Variants in ERICH6B observed in about 807,000 individuals in gnomAD.
ERICH6B encodes the protein glutamate rich 6B.
Under a neutral mutation model 80.0 loss-of-function variants are expected in ERICH6B, and 69 were observed. The observed-to-expected ratio is 0.86, with a 90% CI of 0.71 to 1.05. ERICH6B has a LOEUF of 1.05. Among genes scored for constraint, ERICH6B ranks in the 50% least tolerant of loss-of-function variants. ERICH6B has a pLI of 0.00. For synonymous variants in ERICH6B, 283 were observed against 291.9 expected (o/e 0.97, Z 0.31); for missense variants, 754 against 796.1 (o/e 0.95, Z 0.64).
intron 2 of ERICH6B, among the ~76,000 whole-genome samples, chr13:45,597,558 A>T (rs1475919537): frequency 1.3e-5 from 2 of 152,160 alleles, no homozygotes; most frequent in South Asian, 2.1e-4. Flanking sequence ...CCCTGTGGTC[A>T]GAAGTCTGTG....
intron 5 of ERICH6B, among the ~76,000 whole-genome samples, chr13:45,586,849 AG>A (rs1054849233): frequency 7.2e-5 from 11 of 152,218 alleles, no homozygotes; most frequent in Admixed American, 4.6e-4. Context: ...TCTTTCTCTG[AG>A]GGGGGTCTGG....
rs780308947 is a variant in ERICH6B at position 45,587,064 on chromosome 13, G to A, written c.855C>T (p.Ala285=). The change falls in exon 5 of 15, where the codon GCC becomes GCT. Residue 285 remains alanine (A), a splice_region_variant and synonymous_variant. Transcript: ENST00000298738. ...CCGACAGAGCGCAGCTTCCCTCACC[G>A]GCAGTTCTGTCGTAGCACCAGTCTG... ...SQTDWCYDRT[A]VKSLKSKSET... 2.6e-6 allele frequency: 4 copies of A among 1,550,890 alleles called. No homozygotes were observed. Among genetic ancestry groups the A allele is most frequent in the South Asian group, 1.2e-5 (1 of 83,936 alleles).
intron 1 of ERICH6B, among the ~76,000 whole-genome samples, chr13:45,608,345 G>A (rs1752388637): frequency 1.3e-5 from 2 of 152,194 alleles, no homozygotes; most frequent in Admixed American, 1.3e-4. Context: ...AGAGAAGGCA[G>A]CAGCAGACAC....
chr13:45,563,592 C>T, intron 10 of ERICH6B, 135 bp downstream of exon 10: 1 of 804,414 alleles, frequency 1.2e-6, no homozygotes, highest in African/African-American at 1.7e-5. Context: ...CAGCCAGGAC[C>T]ACATCAGCCC....
intron 11 of ERICH6B, among the ~76,000 whole-genome samples, chr13:45,550,778 C>T (rs1182157226): frequency 6.6e-6 from 1 of 152,124 alleles, no homozygotes; most frequent in Non-Finnish European, 1.5e-5. Context: ...TGATGCATCA[C>T]CCCAGTCTCT....
At position 45,589,427 on chromosome 13, in the gene ERICH6B, G is replaced by A. The variant is rs540929135; in HGVS notation, c.686+1222C>T. On this transcript the variant is annotated intron_variant, in intron 4 of 14. Coordinates refer to ENST00000298738, the MANE Select transcript of ERICH6B (RefSeq NM_182542.3). ...TTTTCTACCTGGCGGTTCGTGGGGT[G>A]CAGAACGGAGGATGACACAGATCTG... Among the ~76,000 whole-genome samples the A allele has an allele frequency of 4.4e-4, 67 of 152,330 alleles. 1 individual carries two copies. Among genetic ancestry groups the A allele is most frequent in the South Asian group, 4.3e-3 (21 of 4,830 alleles).
At chr13:45,552,729 A>AT (rs1345772777) in intron 11 of ERICH6B, 1 of 152,276 alleles carries the variant, frequency 6.6e-6, no homozygotes, top group African/African-American at 2.4e-5. Context: ...GGAAATAGAG[A>AT]TTTTGTGTCT....
intron 3 of ERICH6B, among the ~76,000 whole-genome samples, chr13:45,593,622 GGA>G (rs1876244359): frequency 6.6e-6 from 1 of 152,136 alleles, no homozygotes; most frequent in African/African-American, 2.4e-5. Context: ...CTAGTGAAAG[GGA>G]GAGAGCTGGC....
Position 45,597,044 on chromosome 13 carries a change from G to T in ERICH6B, c.-39C>A. 1.3e-6 allele frequency: 2 copies of T among 1,497,778 alleles called. No individual in the cohort carries two copies. Among genetic ancestry groups the T allele is most frequent in the Non-Finnish European group, 1.8e-6 (2 of 1,120,924 alleles). The allele number at this position is 1,497,778 out of a possible 1,614,324, so 92.8% of individuals were successfully genotyped here. A position where few individuals can be genotyped will look rare whatever the true frequency, so the allele number is the denominator to read the frequency against. On this transcript the variant is annotated 5_prime_UTR_variant, in exon 3 of 15. In the 5' UTR this introduces an upstream ATG that the reference lacks. Transcript: ENST00000298738. ...TAGGTGGTGAACTCCTTCTGCAGCA[G>T]CCAACGTCACTTTATTATCCTGTAT...
intron 2 of ERICH6B, among the ~76,000 whole-genome samples, chr13:45,597,912 C>A (rs1472592883): frequency 2.0e-5 from 3 of 152,196 alleles, no homozygotes; most frequent in Non-Finnish European, 4.4e-5. Context: ...GGTGAACATG[C>A]CATCTCTAGA....
intron 9 of ERICH6B, among the ~76,000 whole-genome samples, chr13:45,566,762 G>T (rs533579328): frequency 6.6e-6 from 1 of 152,354 alleles, no homozygotes; most frequent in Non-Finnish European, 1.5e-5. Flanking sequence ...AGTGTGGATG[G>T]GAAATGTGGG....
intron 3 of ERICH6B, among the ~76,000 whole-genome samples, chr13:45,592,250 A>G (rs1876186182): frequency 1.3e-5 from 2 of 152,254 alleles, no homozygotes; most frequent in Non-Finnish European, 2.9e-5. Context: ...AGACACGTGC[A>G]GAAAATGATT....
At chr13:45,568,269 A>G (rs1875004549) in intron 9 of ERICH6B, 46 bp downstream of exon 9, 1 of 1,483,672 alleles carries the variant, frequency 6.7e-7, no homozygotes, top group South Asian at 1.4e-5. Context: ...CACCTCTGGC[A>G]TACCCAAATC....
At position 45,595,641 on chromosome 13, in the gene ERICH6B, TTATA is replaced by T. The variant is rs1193963297; in HGVS notation, c.637+724_637+727del. The stretch of plus-strand genomic sequence containing the variant: ...GTGATTTTTGCTGTCTTCTTTTTGC[TTATA>T]TATAGTTTCTTTCTTTCTTTCCTTC... On this transcript the variant is annotated intron_variant, in intron 3 of 14. Coordinates refer to ENST00000298738, the MANE Select transcript of ERICH6B (RefSeq NM_182542.3). 2.6e-5 allele frequency among the ~76,000 whole-genome samples: 4 copies of T among 151,772 alleles called. No homozygotes were observed. In the South Asian group the frequency reaches 8.3e-4, roughly 31 times the overall value.
intron 13 of ERICH6B, among the ~76,000 whole-genome samples, chr13:45,548,641 G>A (rs532936138): frequency 2.6e-5 from 4 of 152,254 alleles, no homozygotes; most frequent in South Asian, 4.1e-4. Flanking sequence ...CAGAGGGGCC[G>A]GGACATGCTG....
intron 3 of ERICH6B, among the ~76,000 whole-genome samples, chr13:45,594,719 T>G (rs1876294069): frequency 6.6e-6 from 1 of 152,176 alleles, no homozygotes; most frequent in Non-Finnish European, 1.5e-5. Context: ...GCTTTTAGGA[T>G]GTAGGTTGTG....
intron 2 of ERICH6B, among the ~76,000 whole-genome samples, chr13:45,601,952 T>C (rs1330414331): frequency 6.6e-6 from 1 of 152,216 alleles, no homozygotes; most frequent in Non-Finnish European, 1.5e-5. Context: ...ACTGTTATTA[T>C]TGCACACTTA....
chr13:45,550,240 C>G lies in ERICH6B; in HGVS notation c.1484G>C (p.Gly495Ala), dbSNP rs41292939. 40,328 of 1,551,218 alleles carry G rather than the reference C, an allele frequency of 0.026. 3,716 individuals are homozygous for G. The African/African-American group carries it at 0.3, about 12-fold the overall frequency. ...VYQILFPDGT[G>A]QIHYPSGNLA... ...GTGCTTCTGTGGATACTGTATCTGG[C>G]CTGTCCCATCAGGAAAGAGAATTTG... The change falls in exon 12 of 15, where the codon GGC becomes GCC. Residue 495 changes from glycine to alanine, a missense_variant. Coordinates refer to ENST00000298738, the MANE Select transcript of ERICH6B (RefSeq NM_182542.3).
At chr13:45,564,665 C>A (rs1012728329) in intron 9 of ERICH6B, among the ~76,000 whole-genome samples, 1 of 152,198 alleles carries the variant, frequency 6.6e-6, no homozygotes, top group African/African-American at 2.4e-5. Context: ...GAGTCCATGG[C>A]CCATTTGTAC....
Sources: allele counts gnomAD v4.1 joint callset (sites outside exome capture counted in the v4.1 genomes callset), GRCh38; gene constraint gnomAD v4.1.1; transcripts MANE v1.5; gene names NCBI Gene and HGNC (gene_info 2026-07-23, HGNC 2026-07-21).